Variants in ZFHX3 observed in about 807,000 individuals in gnomAD.
ZFHX3 encodes zinc finger homeobox 3.
ZFHX3 carries 42 observed loss-of-function variants against 279.1 expected under a neutral mutation model. The ratio of observed to expected loss-of-function variants is 0.15; its 90% CI spans 0.12 to 0.19. The LOEUF (loss-of-function observed/expected upper bound fraction) is 0.19, where lower values mean the gene tolerates loss of function less well. Ranked by LOEUF, ZFHX3 falls within the 10% of genes least tolerant of loss-of-function variation. The pLI, the probability that ZFHX3 is intolerant of heterozygous loss-of-function variation, is 1.00. For synonymous variants in ZFHX3, 2,293 were observed against 1,957.8 expected (o/e 1.17, Z -4.52); for missense variants, 4,981 against 4,754.0 (o/e 1.05, Z -1.40).
chr16:73,102,286 A>G (rs563575479), intron 7 of ZFHX3, among the ~76,000 whole-genome samples: 1 of 152,314 alleles, frequency 6.6e-6, no homozygotes, highest in African/African-American at 2.4e-5. Context: ...TCGAGATGCC[A>G]AATGCTGCCA....
At position 72,786,970 on chromosome 16, in the gene ZFHX3, A is replaced by AGAC. The variant is rs1414060471; in HGVS notation, c.*191_*193dup. On this transcript the variant is annotated 3_prime_UTR_variant, in exon 10 of 10. Transcript: ENST00000268489. ...TTTTTAATATTAAAAGAAAAGAAAA[A>AGAC]GACAAGAATGTAAAATCACCGGCAT... is the stretch of plus-strand genomic sequence containing the variant. 2.3e-6 allele frequency: 1 copy of AGAC among 426,352 alleles called. No homozygotes were observed. The highest frequency in any genetic ancestry group is 1.1e-4 in the South Asian group (1 of 8,808). The allele number at this position is 426,352 out of a possible 1,614,324, so 26.4% of individuals were successfully genotyped here.
chr16:73,168,911 T>C (rs940861988), intron 5 of ZFHX3, among the ~76,000 whole-genome samples: 3 of 152,216 alleles, frequency 2.0e-5, no homozygotes, highest in Non-Finnish European at 2.9e-5. Context: ...GACTGCCATC[T>C]TCCCTTGCTA....
intron 2 of ZFHX3, among the ~76,000 whole-genome samples, chr16:73,470,770 T>G (rs1597347848): frequency 2.6e-5 from 4 of 152,264 alleles, no homozygotes; most frequent in Admixed American, 2.6e-4. Flanking sequence ...AGTTGTGAGT[T>G]TAATTCCCTA....
intron 1 of ZFHX3, among the ~76,000 whole-genome samples, chr16:73,007,449 T>A (rs749677104): frequency 6.6e-6 from 1 of 152,130 alleles, no homozygotes; most frequent in East Asian, 1.9e-4. Flanking sequence ...TAACTGTTTT[T>A]TGTTTTTGTT....
chr16:72,823,392 A>C (rs373734626), intron 5 of ZFHX3, among the ~76,000 whole-genome samples: 1 of 152,190 alleles, frequency 6.6e-6, no homozygotes, highest in Admixed American at 6.5e-5. Context: ...TTTCTAGTCA[A>C]CAACAGGGTT....
intron 2 of ZFHX3, among the ~76,000 whole-genome samples, chr16:73,482,483 C>T (rs2018887319): frequency 6.6e-6 from 1 of 152,170 alleles, no homozygotes. Flanking sequence ...GGGTCCGGCC[C>T]CTCCCTGCAC....
intron 3 of ZFHX3, among the ~76,000 whole-genome samples, chr16:73,355,458 GA>G (rs2016323850): frequency 6.6e-6 from 1 of 152,184 alleles, no homozygotes; most frequent in Non-Finnish European, 1.5e-5. Context: ...ACTAGGGGCA[GA>G]AAAGGCAGGT....
intron 3 of ZFHX3, among the ~76,000 whole-genome samples, chr16:72,931,785 CTG>C (rs1330793411): frequency 6.6e-6 from 1 of 152,126 alleles, no homozygotes; most frequent in Non-Finnish European, 1.5e-5. Flanking sequence ...GCCACGGACA[CTG>C]TGGTTTTCGA....
chr16:73,792,328 T>A (rs182389920), intron 1 of ZFHX3, among the ~76,000 whole-genome samples: 4 of 152,120 alleles, frequency 2.6e-5, no homozygotes, highest in African/African-American at 9.7e-5. Flanking sequence ...GTGAGTCCAA[T>A]GTCACCACAA....
At chr16:73,571,442 A>C (rs2051735085) in intron 2 of ZFHX3, among the ~76,000 whole-genome samples, 1 of 152,190 alleles carries the variant, frequency 6.6e-6, no homozygotes, top group African/African-American at 2.4e-5. Context: ...CTTAAGTTGT[A>C]ATCTTCAGGC....
At chr16:72,993,134 TCAAA>T (rs780428541) in intron 1 of ZFHX3, among the ~76,000 whole-genome samples, 13 of 152,108 alleles carry the variant, frequency 8.5e-5, no homozygotes, top group Non-Finnish European at 1.5e-4. Context: ...AGTCTCCATC[TCAAA>T]CAAACAAACA....
Position 72,950,750 on chromosome 16 carries a change from C to G in ZFHX3, c.2935G>C (p.Val979Leu). 1 of 1,614,232 alleles carries G rather than the reference C, an allele frequency of 6.2e-7. No individual in the cohort carries two copies. The highest frequency in any genetic ancestry group is 1.1e-5 in the South Asian group (1 of 91,088). Residue 979 changes from valine (V) to leucine (L), a missense_variant, in exon 3 of 10, where the codon GTG becomes CTG. By Grantham distance (32) the Val-to-Leu change is conservative (BLOSUM62 1). Transcript: ENST00000268489. ...TTGCACTGGTATGAGTCCCCCATCA[C>G]CGCCTTCCACTCGTCCTCCGACAGG... ...RSLSEDEWKA[V>L]MGDSYQCKLC... is the part of the protein sequence containing the mutation.
At chr16:73,732,158 A>G (rs1202508560) in intron 1 of ZFHX3, among the ~76,000 whole-genome samples, 1 of 152,232 alleles carries the variant, frequency 6.6e-6, no homozygotes, top group African/African-American at 2.4e-5. Context: ...GAATAACCTC[A>G]AGTTTGATAT....
intron 3 of ZFHX3, among the ~76,000 whole-genome samples, chr16:73,433,839 G>T (rs549104858): frequency 6.6e-6 from 1 of 152,186 alleles, no homozygotes; most frequent in East Asian, 1.9e-4. Context: ...CTTCCCGGCC[G>T]CCTGGGTGAC....
At chr16:73,147,176 G>C (rs1035640580) in intron 5 of ZFHX3, among the ~76,000 whole-genome samples, 1 of 152,166 alleles carries the variant, frequency 6.6e-6, no homozygotes, top group African/African-American at 2.4e-5. Context: ...GGCATGACTC[G>C]AGGTACTACT....
chr16:72,946,970 A>G (rs1322959359), intron 3 of ZFHX3, among the ~76,000 whole-genome samples: 1 of 152,236 alleles, frequency 6.6e-6, no homozygotes, highest in African/African-American at 2.4e-5. Flanking sequence ...GGACAGAAAG[A>G]GCCCAGTTCC....
intron 4 of ZFHX3, among the ~76,000 whole-genome samples, chr16:73,306,064 G>C (rs1358538799): frequency 6.6e-6 from 1 of 152,166 alleles, no homozygotes; most frequent in African/African-American, 2.4e-5. Flanking sequence ...ACGCTGACGC[G>C]ACCTGTGGAC....
chr16:73,806,368 T>G (rs1313186137), intron 1 of ZFHX3, among the ~76,000 whole-genome samples: 1 of 152,194 alleles, frequency 6.6e-6, no homozygotes, highest in East Asian at 1.9e-4. Context: ...GGGAAGCCGG[T>G]GTGACCACAG....
At chr16:73,266,209 C>A (rs181580769) in intron 4 of ZFHX3, among the ~76,000 whole-genome samples, 1 of 152,168 alleles carries the variant, frequency 6.6e-6, no homozygotes. Context: ...TGGGCAGTTG[C>A]GACTGGGTTC....
Sources: allele counts gnomAD v4.1 joint callset (sites outside exome capture counted in the v4.1 genomes callset), GRCh38; gene constraint gnomAD v4.1.1; transcripts MANE v1.5; gene names NCBI Gene and HGNC (gene_info 2026-07-23, HGNC 2026-07-21).